Variants in NBPF19 observed in about 807,000 individuals in gnomAD.
The protein encoded by NBPF19 is NBPF member 19.
Under a neutral mutation model 45.9 loss-of-function variants are expected in NBPF19, and 30 were observed. The ratio of observed to expected loss-of-function variants is 0.65; its 90% confidence interval spans 0.49 to 0.89. The LOEUF (loss-of-function observed/expected upper bound fraction) is 0.89. Ranked by LOEUF, NBPF19 falls within the 40% of genes least tolerant of loss-of-function variation. The pLI is 0.00. For synonymous variants in NBPF19, 183 were observed against 181.2 expected, an observed-to-expected ratio of 1.01 and a Z score of -0.08; for missense variants, 495 against 471.8, an observed-to-expected ratio of 1.05 and a Z score of -0.46.
At position 149,484,456 on chromosome 1, in the gene NBPF19, C is replaced by T. The variant is rs1453267307; in HGVS notation, c.825-1674C>T. ...GGACATGTATACATATGTAACTAACCTGCACGTTGTGCACATGTACCCTAA... is the reference window on the plus strand; with the variant it reads ...GGACATGTATACATATGTAACTAACTTGCACGTTGTGCACATGTACCCTAA... On this transcript the variant is annotated intron_variant, in intron 7 of 93. Coordinates refer to ENST00000651566, the MANE Select transcript of NBPF19 (RefSeq NM_001351365.2). 1.4e-5 allele frequency among the ~76,000 whole-genome samples: 2 copies of T among 144,458 alleles called. 1 individual carries two copies. The highest frequency in any genetic ancestry group is 3.0e-5 in the Non-Finnish European group (2 of 66,500). The allele number at this position is 144,458 out of a possible 152,430, so 94.8% of individuals were successfully genotyped here.
Position 149,478,042 on chromosome 1 carries a change from G to A in NBPF19, c.273G>A (p.Glu91=), listed in dbSNP as rs1259835838. 2 of 1,564,174 alleles carry A rather than the reference G, an allele frequency of 1.3e-6. No individual in the cohort carries two copies. The highest frequency in any genetic ancestry group is 1.4e-5 in the African/African-American group (1 of 73,932). Residue 91 remains glutamate (E), a synonymous_variant, in exon 3 of 94, where the codon GAG becomes GAA. Coordinates refer to ENST00000651566, the MANE Select transcript of NBPF19 (RefSeq NM_001351365.2). The part of the protein sequence containing the change: ...KLAEQLKQAE[E]LRQYKVLFHS... Reference sequence around the variant, plus strand: ...CAGAGCAGCTGAAGCAAGCTGAGGAGCTCAGGTGAGGGGACCCCGTGGGGG... The same window carrying A: ...CAGAGCAGCTGAAGCAAGCTGAGGAACTCAGGTGAGGGGACCCCGTGGGGG...
chr1:149,486,363 C>T, intron 8 of NBPF19, 70 bp downstream of exon 8: 2 of 647,528 alleles, frequency 3.1e-6, no homozygotes, highest in Non-Finnish European at 5.6e-6. Flanking sequence ...ATCTTTGGGC[C>T]TTGTGCCCCT....
At chr1:149,528,935 TTCTCTCTC>T (rs1201885403) in intron 61 of NBPF19, among the ~76,000 whole-genome samples, 1 of 123,428 alleles carries the variant, frequency 8.1e-6, no homozygotes, top group Non-Finnish European at 1.7e-5. Context: ...ACTGAGCTCG[TTCTCTCTC>T]TCTGTGTGTG....
chr1:149,478,807 GTC>G, intron 3 of NBPF19, 71 bp from the exon 4 acceptor site: 1 of 1,362,786 alleles, frequency 7.3e-7, no homozygotes, highest in Non-Finnish European at 1.0e-6. Context: ...TGTCTCAGAA[GTC>G]TCTGTTGCAA....
chr1:149,554,437 G>A, intron 93 of NBPF19, 58 bp from the exon 94 acceptor site: 2 of 1,607,510 alleles, frequency 1.2e-6, no homozygotes, highest in Admixed American at 1.7e-5. Context: ...AAATCTAGTG[G>A]GGCTCTGTGG....
In NBPF19 at chr1:149,487,391, T is replaced by G. The variant is rs1419275432; in HGVS notation, c.1040+8T>G. The G allele has an allele frequency of 2.8e-5, 41 of 1,467,290 alleles. 1 individual carries two copies. Among genetic ancestry groups the G allele is most frequent in the Non-Finnish European group, 3.7e-5 (39 of 1,060,504 alleles). The allele number at this position is 1,467,290 out of a possible 1,614,324, so 90.9% of individuals were successfully genotyped here. On this transcript the variant is annotated splice_region_variant and intron_variant, in intron 9 of 93. Transcript: ENST00000651566. The stretch of plus-strand genomic sequence containing the variant: ...AGAGGCAACAGGTCCCAGGTGAGTC[T>G]GAGAAATTGTGGACAGTTAATTTGA...
chr1:149,556,343 T>G lies in NBPF19; in HGVS notation c.*1605T>G, dbSNP rs2101736536. 1 of 150,616 alleles carries G rather than the reference T, an allele frequency of 6.6e-6. No homozygotes were observed. The highest frequency in any genetic ancestry group is 2.4e-5 in the African/African-American group (1 of 41,104). 9.3% of individuals were successfully genotyped at this position (150,616 alleles called of 1,614,324 possible). On this transcript the variant is annotated 3_prime_UTR_variant, in exon 94 of 94. Transcript: ENST00000651566. ...TTTGGTGGGTACTGATGTGAATTAA[T>G]AAAAACATTTCATTTCCATGTTTAT...
At position 149,554,387 on chromosome 1, in the gene NBPF19, A is replaced by G. The variant is rs1327580898; in HGVS notation, c.11289-108A>G. The G allele has an allele frequency of 6.6e-5, 106 of 1,599,376 alleles. 3 individuals carry two copies. The highest frequency in any genetic ancestry group is 2.6e-4 in the African/African-American group (19 of 73,714). On this transcript the variant is annotated intron_variant, in intron 93 of 93. Coordinates refer to ENST00000651566, the MANE Select transcript of NBPF19 (RefSeq NM_001351365.2). ...TTTTTTTTACCTCATTAATGGATCT[A>G]TCCTTTTTCTTTTCTAACCACTTCC...
intron 17 of NBPF19, among the ~76,000 whole-genome samples, chr1:149,494,006 G>A (rs1195135002): frequency 1.5e-3 from 133 of 87,822 alleles, no homozygotes; most frequent in Admixed American, 4.5e-3. Flanking sequence ...ATCACTGTTC[G>A]CTGTGTGTCC....
intron 13 of NBPF19, among the ~76,000 whole-genome samples, 181 bp downstream of exon 13, chr1:149,490,675 T>A (rs1331211749): frequency 2.8e-4 from 12 of 42,338 alleles, no homozygotes; most frequent in African/African-American, 1.3e-3. Flanking sequence ...CTTCCTCCCC[T>A]TATCATTTAC....
At chr1:149,521,182 A>C (rs2086728493) in intron 51 of NBPF19, 137 bp from the exon 52 acceptor site, 1 of 331,970 alleles carries the variant, frequency 3.0e-6, no homozygotes, top group Non-Finnish European at 5.6e-6. Context: ...ACATAAAGGC[A>C]ATAATTTGTT....
At chr1:149,487,985 T>A (rs1302160765) in intron 9 of NBPF19, 28 bp from the exon 10 acceptor site, 2 of 691,340 alleles carry the variant, frequency 2.9e-6, no homozygotes, top group Admixed American at 2.1e-5. Flanking sequence ...CCCCCTGGCT[T>A]ATTCTTTACT....
chr1:149,529,242 C>A lies in NBPF19; in HGVS notation c.7415C>A (p.Ser2472Ter). The part of the protein sequence containing the change: ...VLQDSLDRCY[S>*]TPSSCLEQPD... ...CAGGACTCACTGGATAGATGTTATTCAACTCCTTCCAGTTGTCTTGAACAG... is the reference window on the plus strand; with the variant it reads ...CAGGACTCACTGGATAGATGTTATTAAACTCCTTCCAGTTGTCTTGAACAG... Residue 2472 changes from serine to a stop codon, truncating the protein, a stop_gained, in exon 62 of 94, where the codon TCA (serine) becomes TAA (stop). Coordinates refer to ENST00000651566, the MANE Select transcript of NBPF19 (RefSeq NM_001351365.2). LOFTEE classifies it high-confidence loss of function. The A allele has an allele frequency of 6.6e-6, 1 of 150,478 alleles. No individual in the cohort carries two copies. The highest frequency in any genetic ancestry group is 1.2e-5 in the Non-Finnish European group (1 of 85,516). 9.3% of individuals were successfully genotyped at this position (150,478 alleles called of 1,614,324 possible).
rs1553710676 is a variant in NBPF19, at chr1:149,487,805, G to GTGTGTT, written c.1041-203_1041-202insTTGTGT. On this transcript the variant is annotated intron_variant, in intron 9 of 93. Transcript: ENST00000651566. ...TGTGTGTGTGTGTGTGTGTGTGTGTGTGTGTGTGTGTGTGTGTGTCTTTCT... is the reference window on the plus strand; with the variant it reads ...TGTGTGTGTGTGTGTGTGTGTGTGTGTGTGTTTGTGTGTGTGTGTGTGTGTCTTTCT... Among the ~76,000 whole-genome samples, 1,325 of 148,292 alleles carry GTGTGTT rather than the reference G, an allele frequency of 8.9e-3. 20 individuals carry two copies. Among genetic ancestry groups the GTGTGTT allele is most frequent in the South Asian group, 0.019 (87 of 4,624 alleles).
intron 73 of NBPF19, among the ~76,000 whole-genome samples, chr1:149,538,421 TTCTCTCTCTCTC>T (rs1189265337): frequency 4.9e-5 from 1 of 20,294 alleles, no homozygotes; most frequent in African/African-American, 1.3e-4. Context: ...ACTGAGCTCG[TTCTCTCTCTCTC>T]TCTGTGTGTG....
intron 10 of NBPF19, among the ~76,000 whole-genome samples, chr1:149,488,422 C>G (rs2085760622): frequency 7.1e-6 from 1 of 141,216 alleles, no homozygotes; most frequent in African/African-American, 2.7e-5. Flanking sequence ...TAATCCTACT[C>G]TCATGACGTT....
chr1:149,554,831 C>A lies in NBPF19; in HGVS notation c.*93C>A. On this transcript the variant is annotated 3_prime_UTR_variant, in exon 94 of 94. Transcript: ENST00000651566. ...TGAAACTACAGTTCCATTTGGAAGC[C>A]CAGACATAGGATGGGTCAGTGGGCA... 3.1e-6 allele frequency: 5 copies of A among 1,588,804 alleles called. No homozygotes were observed. The highest frequency in any genetic ancestry group is 2.6e-6 in the Non-Finnish European group (3 of 1,163,348).
chr1:149,487,656 A>G (rs1264637856), intron 9 of NBPF19, among the ~76,000 whole-genome samples: 3 of 150,104 alleles, frequency 2.0e-5, no homozygotes, highest in African/African-American at 4.9e-5. Context: ...ATTTTATGCA[A>G]AATTATTGAG....
chr1:149,487,102 C>A (rs1303739421), intron 8 of NBPF19, among the ~76,000 whole-genome samples: 7 of 150,806 alleles, frequency 4.6e-5, no homozygotes, highest in African/African-American at 1.7e-4. Context: ...TAGGACAGAG[C>A]ACATAGGGAA....
Sources: gnomAD v4.1 joint callset for allele counts (sites outside exome capture counted in the v4.1 genomes callset) on GRCh38, gnomAD v4.1.1 for gene constraint, MANE v1.5 for transcripts, NCBI Gene and HGNC (gene_info 2026-07-23, HGNC 2026-07-21) for gene names.